SHROOM3: variants seen among roughly 807,000 people sequenced by gnomAD.
The protein encoded by SHROOM3 is shroom family member 3, also known as protein Shroom3.
SHROOM3 carries 47 observed loss-of-function variants against 138.6 expected under a neutral mutation model. That is an observed-to-expected ratio of 0.34 (90% CI 0.27 to 0.43). The LOEUF is 0.43. SHROOM3 is among the 20% of genes least tolerant of loss of function. SHROOM3 has a pLI of 1.00. For synonymous variants in SHROOM3, 1,062 were observed against 1,063.3 expected (o/e 1.00, Z 0.02); for missense variants, 2,491 against 2,596.5 (o/e 0.96, Z 0.88).
At chr4:76,624,605 ACT>A (rs1735086246) in intron 2 of SHROOM3, among the ~76,000 whole-genome samples, 1 of 151,674 alleles carries the variant, frequency 6.6e-6, no homozygotes, top group African/African-American at 2.4e-5. Context: ...GTATCTGGCG[ACT>A]CTCTGTTACG....
chr4:76,674,140 C>T (rs1252455752), intron 2 of SHROOM3, among the ~76,000 whole-genome samples: 1 of 152,112 alleles, frequency 6.6e-6, no homozygotes, highest in Admixed American at 6.5e-5. Flanking sequence ...TCCCAAAGTG[C>T]TAGGATTACA....
chr4:76,671,716 G>T (rs1023569428), intron 2 of SHROOM3, among the ~76,000 whole-genome samples: 1 of 152,162 alleles, frequency 6.6e-6, no homozygotes, highest in Non-Finnish European at 1.5e-5. Flanking sequence ...AATAAAACAC[G>T]TTAGGTGAAT....
intron 2 of SHROOM3, among the ~76,000 whole-genome samples, chr4:76,684,726 G>A (rs1345272459): frequency 6.6e-6 from 1 of 152,216 alleles, no homozygotes; most frequent in Non-Finnish European, 1.5e-5. Flanking sequence ...GGTGAGGCCA[G>A]TATCAACTCA....
intron 2 of SHROOM3, among the ~76,000 whole-genome samples, chr4:76,688,046 G>A (rs556705833): frequency 3.9e-5 from 6 of 152,196 alleles, no homozygotes; most frequent in Admixed American, 3.9e-4. Context: ...CTTCTTCAAA[G>A]CTTAAGTTCT....
intron 1 of SHROOM3, among the ~76,000 whole-genome samples, chr4:76,533,840 C>T (rs973028873): frequency 1.3e-5 from 2 of 152,078 alleles, no homozygotes; most frequent in African/African-American, 2.4e-5. Context: ...ACTCAAGCTG[C>T]GTTTTGTTTT....
intron 2 of SHROOM3, among the ~76,000 whole-genome samples, chr4:76,591,519 T>C (rs1734272394): frequency 6.6e-6 from 1 of 151,984 alleles, no homozygotes; most frequent in African/African-American, 2.4e-5. Context: ...CTGACTATTA[T>C]TACATAATTC....
intron 1 of SHROOM3, among the ~76,000 whole-genome samples, chr4:76,484,572 AAAAC>A (rs142274232): frequency 0.17 from 25,309 of 147,374 alleles, 2,196 homozygotes; most frequent in Middle Eastern, 0.23. Context: ...CCCTTACTCT[AAAAC>A]AAACAAACAA....
At chr4:76,441,779 A>G (rs1236733614) in intron 1 of SHROOM3, among the ~76,000 whole-genome samples, 1 of 151,682 alleles carries the variant, frequency 6.6e-6, no homozygotes, top group Non-Finnish European at 1.5e-5. Context: ...CTGGAGTGCA[A>G]TGGCACGATC....
At position 76,698,480 on chromosome 4, in the gene SHROOM3, C is replaced by G. The variant is rs1719809599; in HGVS notation, c.324-11676C>G. ...TCCACTCCTTTAGGCAGGTCTAGGG[C>G]TGGAGCAACTTATTTGCATATAGAT... On this transcript the variant is annotated intron_variant, in intron 2 of 10. Transcript: ENST00000296043. Among the ~76,000 whole-genome samples the G allele has an allele frequency of 4.6e-5, 7 of 152,258 alleles. No homozygotes were observed. In the South Asian group the frequency reaches 1.5e-3, roughly 32 times the overall value.
chr4:76,616,423 T>C (rs904063844), intron 2 of SHROOM3, among the ~76,000 whole-genome samples: 2 of 152,172 alleles, frequency 1.3e-5, no homozygotes, highest in Non-Finnish European at 2.9e-5. Context: ...CATTGATAGA[T>C]GAATGGATAA....
intron 2 of SHROOM3, among the ~76,000 whole-genome samples, chr4:76,598,578 G>A (rs1734438836): frequency 6.6e-6 from 1 of 152,192 alleles, no homozygotes; most frequent in African/African-American, 2.4e-5. Context: ...TAAAAGTCAA[G>A]GTGGAGATGG....
intron 1 of SHROOM3, among the ~76,000 whole-genome samples, chr4:76,550,257 C>A (rs1022291970): frequency 6.6e-6 from 1 of 152,088 alleles, no homozygotes; most frequent in Non-Finnish European, 1.5e-5. Context: ...TAGAATTATG[C>A]CTGCCAATGA....
intron 1 of SHROOM3, among the ~76,000 whole-genome samples, chr4:76,478,788 C>T (rs1731543001): frequency 6.6e-6 from 1 of 152,192 alleles, no homozygotes; most frequent in Non-Finnish European, 1.5e-5. Context: ...AAGGAACAGG[C>T]AGCAATATTT....
chr4:76,704,278 T>C (rs555807691), intron 2 of SHROOM3, among the ~76,000 whole-genome samples: 8 of 152,284 alleles, frequency 5.3e-5, no homozygotes, highest in East Asian at 3.9e-4. Context: ...CTTGGGTGTG[T>C]AGAAGTTTCA....
chr4:76,768,567 G>T (rs918726731), intron 9 of SHROOM3, among the ~76,000 whole-genome samples: 1 of 152,216 alleles, frequency 6.6e-6, no homozygotes, highest in African/African-American at 2.4e-5. Flanking sequence ...CTGGAGTACA[G>T]TGGTGTGATC....
intron 2 of SHROOM3, among the ~76,000 whole-genome samples, chr4:76,595,934 T>C (rs1336264985): frequency 6.6e-6 from 1 of 152,226 alleles, no homozygotes; most frequent in Admixed American, 6.5e-5. Context: ...ACTCTTGCAG[T>C]TGTTAATCTG....
intron 1 of SHROOM3, among the ~76,000 whole-genome samples, chr4:76,451,033 C>T (rs1246886386): frequency 1.3e-5 from 2 of 152,056 alleles, no homozygotes; most frequent in Admixed American, 6.6e-5. Flanking sequence ...TCACAGCAAC[C>T]TCTGCCCCTG....
intron 1 of SHROOM3, among the ~76,000 whole-genome samples, chr4:76,492,757 A>G (rs1353554592): frequency 6.6e-6 from 1 of 152,180 alleles, no homozygotes; most frequent in Non-Finnish European, 1.5e-5. Flanking sequence ...TTTCTATGGT[A>G]AGACACAGAT....
chr4:76,543,208 G>T (rs1733142455), intron 1 of SHROOM3, among the ~76,000 whole-genome samples: 1 of 152,178 alleles, frequency 6.6e-6, no homozygotes, highest in Non-Finnish European at 1.5e-5. Context: ...TTATGGAAAA[G>T]CATAGAAGAG....
Sources: gnomAD v4.1 joint callset for allele counts (sites outside exome capture counted in the v4.1 genomes callset) on GRCh38, gnomAD v4.1.1 for gene constraint, MANE v1.5 for transcripts, NCBI Gene and HGNC (gene_info 2026-07-23, HGNC 2026-07-21) for gene names.